PCDHA1: variants seen among roughly 807,000 people sequenced by gnomAD.
The protein encoded by PCDHA1 is protocadherin alpha 1, also known as protocadherin alpha-1.
In PCDHA1, 42 loss-of-function variants were observed where a neutral mutation model predicts 61.3. That is an observed-to-expected ratio of 0.69 (90% confidence interval 0.54 to 0.89). The LOEUF (loss-of-function observed/expected upper bound fraction) is 0.89, where lower values mean the gene tolerates loss of function less well. PCDHA1 is among the 40% of genes least tolerant of loss of function. The pLI is 0.00. For missense variants in PCDHA1, 1,256 were observed against 1,235.3 expected, an observed-to-expected ratio of 1.02 and a Z score of -0.25; for synonymous variants, 610 against 553.8, an observed-to-expected ratio of 1.10 and a Z score of -1.43.
intron 1 of PCDHA1, chr5:140,851,026 C>A (rs1554145197): frequency 2.8e-6 from 4 of 1,416,346 alleles, no homozygotes; most frequent in Admixed American, 5.4e-5. Flanking sequence ...ATAAAGTAAA[C>A]CCCTTAACAT....
chr5:140,859,587 C>T, intron 1 of PCDHA1: 1 of 166,890 alleles, frequency 6.0e-6, no homozygotes, highest in Non-Finnish European at 1.3e-5. Context: ...TTGCCTATGG[C>T]TCTTAGCAAT....
chr5:140,927,587 T>C (rs1411741184), intron 1 of PCDHA1: 1 of 1,614,044 alleles, frequency 6.2e-7, no homozygotes, highest in African/African-American at 1.3e-5. Flanking sequence ...AACGCGCCTG[T>C]ATTTGAGCGC....
At chr5:140,828,142 G>T in intron 1 of PCDHA1, 1 of 1,613,968 alleles carries the variant, frequency 6.2e-7, no homozygotes, top group Non-Finnish European at 8.5e-7. Flanking sequence ...TGCTCCTCCC[G>T]CTTCTGCTCC....
At chr5:140,848,462 T>C in intron 1 of PCDHA1, 1 of 1,542,130 alleles carries the variant, frequency 6.5e-7, no homozygotes, top group Non-Finnish European at 8.8e-7. Flanking sequence ...TTGGAGGCAA[T>C]TTTCACTAAT....
intron 3 of PCDHA1, among the ~76,000 whole-genome samples, chr5:140,996,335 T>G (rs887353118): frequency 1.3e-5 from 2 of 152,202 alleles, no homozygotes; most frequent in African/African-American, 4.8e-5. Flanking sequence ...AAGAAAAGTT[T>G]GAAAACCCAA....
In PCDHA1 at chr5:141,009,886, C is replaced by T. The variant is rs377373799; in HGVS notation, c.2802C>T (p.Thr934=). Residue 934 remains threonine (T), a synonymous_variant, in exon 4 of 4, where the codon ACC becomes ACT. Transcript: ENST00000504120. ...AGAAAAAGAAGAAGGGTAACAAGAC[C>T]CAGGAGAAAAAAGAGAAAGGGAACA... ...KKKKKKKGNK[T]QEKKEKGNST... is the part of the protein sequence containing the mutation. The T allele has an allele frequency of 9.0e-4, 1,444 of 1,612,840 alleles. 15 individuals are homozygous for T. The South Asian group carries it at 0.015, about 17-fold the overall frequency.
chr5:140,866,976 C>T (rs2049689450), intron 1 of PCDHA1: 2 of 152,224 alleles, frequency 1.3e-5, no homozygotes, highest in East Asian at 1.9e-4. Context: ...TCTGAAATAT[C>T]ACAGCCAAAA....
chr5:140,927,362 G>A, intron 1 of PCDHA1: 1 of 1,614,030 alleles, frequency 6.2e-7, no homozygotes, highest in Non-Finnish European at 8.5e-7. Context: ...GGAAGCAATG[G>A]GATACTAAGC....
rs1324485924 is a variant in PCDHA1, at chr5:140,805,189, A to G, written c.2394+16505A>G. The G allele has an allele frequency of 4.1e-6, 6 of 1,470,702 alleles. No individual in the cohort carries two copies. In the African/African-American group the frequency reaches 5.7e-5, roughly 14 times the overall value. The allele number at this position is 1,470,702 out of a possible 1,614,324, so 91.1% of individuals were successfully genotyped here. On this transcript the variant is annotated intron_variant, in intron 1 of 3. Transcript: ENST00000504120. ...TGTACTGATGCTATGCCAAATAAAT[A>G]TTGAATAGCTACCAAATAAACATTG...
At chr5:140,858,250 G>C in intron 1 of PCDHA1, 1 of 1,596,872 alleles carries the variant, frequency 6.3e-7, no homozygotes, top group Non-Finnish European at 8.6e-7. Flanking sequence ...GGCCGGTGAA[G>C]CCCACGCTGG....
At chr5:140,830,601 T>C (rs1349140277) in intron 1 of PCDHA1, 2 of 664,640 alleles carry the variant, frequency 3.0e-6, no homozygotes, top group African/African-American at 3.8e-5. Context: ...CAAAATTACA[T>C]ATTTTCATTT....
chr5:140,796,454 G>C (rs782046976), intron 1 of PCDHA1: 2 of 1,612,828 alleles, frequency 1.2e-6, no homozygotes, highest in Admixed American at 1.7e-5. Context: ...CTGGTGGAGC[G>C]GCGGGTGGGC....
At chr5:140,975,560 A>T (rs1302523568) in intron 1 of PCDHA1, among the ~76,000 whole-genome samples, 1 of 152,238 alleles carries the variant, frequency 6.6e-6, no homozygotes, top group Non-Finnish European at 1.5e-5. Flanking sequence ...AAGGAAAAGG[A>T]GATATTATAT....
intron 1 of PCDHA1, among the ~76,000 whole-genome samples, chr5:140,957,407 ATTG>A (rs2095357259): frequency 6.6e-6 from 1 of 152,156 alleles, no homozygotes; most frequent in Non-Finnish European, 1.5e-5. Context: ...ATTTATTATT[ATTG>A]TTGTTAATCT....
chr5:140,957,597 A>G (rs1036559943), intron 1 of PCDHA1, among the ~76,000 whole-genome samples: 4 of 152,168 alleles, frequency 2.6e-5, no homozygotes, highest in Non-Finnish European at 5.9e-5. Context: ...ACTTCCCAGA[A>G]TAAACACACA....
At chr5:140,824,200 T>G (rs2150133192) in intron 1 of PCDHA1, 1 of 1,596,192 alleles carries the variant, frequency 6.3e-7, no homozygotes, top group Non-Finnish European at 8.6e-7. Flanking sequence ...TCACCCACTT[T>G]TTTTGTATTT....
chr5:140,975,058 C>T (rs1016137596), intron 1 of PCDHA1, among the ~76,000 whole-genome samples: 34 of 152,090 alleles, frequency 2.2e-4, no homozygotes, highest in African/African-American at 8.2e-4. Context: ...AATCTACTAT[C>T]GAGCTCATTC....
At chr5:140,871,215 C>T (rs782542021) in intron 1 of PCDHA1, 2 of 1,613,854 alleles carry the variant, frequency 1.2e-6, no homozygotes, top group Non-Finnish European at 1.7e-6. Flanking sequence ...TCGCCATCTG[C>T]GTGGTGTCCA....
At chr5:140,969,317 G>C in intron 1 of PCDHA1, 1 of 1,614,156 alleles carries the variant, frequency 6.2e-7, no homozygotes, top group African/African-American at 1.3e-5. Context: ...AAATGAGGCT[G>C]TTTCTCAAAA....
Sources: allele counts gnomAD v4.1 joint callset (sites outside exome capture counted in the v4.1 genomes callset), GRCh38; gene constraint gnomAD v4.1.1; transcripts MANE v1.5; gene names NCBI Gene and HGNC (gene_info 2026-07-23, HGNC 2026-07-21).